The following SLC9A8 variants were observed in gnomAD, a reference collection of about 807,000 sequenced individuals.
SLC9A8 encodes solute carrier family 9 member A8, also known as sodium/hydrogen exchanger 8.
Under a neutral mutation model 66.6 loss-of-function variants are expected in SLC9A8, and 48 were observed. The observed-to-expected ratio is 0.72, with a 90% confidence interval of 0.57 to 0.92. The LOEUF is 0.92. SLC9A8 is among the 40% of genes least tolerant of loss of function. SLC9A8 has a pLI of 0.00. For synonymous variants in SLC9A8, 274 were observed against 282.6 expected, an observed-to-expected ratio of 0.97 and a Z score of 0.31; for missense variants, 599 against 747.3, an observed-to-expected ratio of 0.80 and a Z score of 2.31.
chr20:49,815,284 T>G, intron 2 of SLC9A8, 95 bp downstream of exon 2: 1 of 1,097,402 alleles, frequency 9.1e-7, no homozygotes, highest in Non-Finnish European at 1.2e-6. Flanking sequence ...GACTGTCAAG[T>G]CTTCCTCCCA....
intron 3 of SLC9A8, chr20:49,830,777 G>C: frequency 1.2e-6 from 1 of 848,960 alleles, no homozygotes; most frequent in Non-Finnish European, 2.0e-6. Flanking sequence ...TCATAGCCAT[G>C]ATCACTGAGG....
intron 2 of SLC9A8, among the ~76,000 whole-genome samples, chr20:49,815,763 G>T (rs575492537): frequency 6.6e-6 from 1 of 151,918 alleles, no homozygotes; most frequent in South Asian, 2.1e-4. Context: ...AAAGAATCTT[G>T]AACATCTAGT....
chr20:49,833,690 C>T (rs2087309224), intron 3 of SLC9A8, among the ~76,000 whole-genome samples: 1 of 152,138 alleles, frequency 6.6e-6, no homozygotes, highest in African/African-American at 2.4e-5. Context: ...CTTACTGGCC[C>T]TAAGCTCTCA....
intron 4 of SLC9A8, among the ~76,000 whole-genome samples, chr20:49,842,130 C>T (rs1600700500): frequency 1.3e-5 from 2 of 150,756 alleles, no homozygotes; most frequent in South Asian, 2.1e-4. Flanking sequence ...AGTGCAATGG[C>T]GTGGTCTCAG....
chr20:49,815,309 CA>C, intron 2 of SLC9A8, 120 bp downstream of exon 2: 5 of 751,544 alleles, frequency 6.7e-6, no homozygotes, highest in Non-Finnish European at 1.0e-5. Context: ...GTTTTCATAT[CA>C]AACACTGAGG....
chr20:49,815,655 G>C (rs1326389035), intron 2 of SLC9A8, among the ~76,000 whole-genome samples: 2 of 151,976 alleles, frequency 1.3e-5, no homozygotes, highest in Non-Finnish European at 2.9e-5. Flanking sequence ...TGAGGCACGA[G>C]AATCACTTGA....
intron 14 of SLC9A8, among the ~76,000 whole-genome samples, chr20:49,884,334 A>ACACACC (rs1568884594): frequency 8.0e-6 from 1 of 124,374 alleles, no homozygotes; most frequent in Non-Finnish European, 1.7e-5. Context: ...ACACACACAC[A>ACACACC]CACCCCCCGG....
chr20:49,871,983 C>T (rs1445422623), intron 10 of SLC9A8, among the ~76,000 whole-genome samples: 2 of 152,122 alleles, frequency 1.3e-5, no homozygotes, highest in Non-Finnish European at 2.9e-5. Flanking sequence ...CAGGCTGAGC[C>T]GAGACTGCGC....
At chr20:49,887,740 C>T (rs1211142353) in intron 15 of SLC9A8, 89 bp from the exon 16 acceptor site, 1 of 986,656 alleles carries the variant, frequency 1.0e-6, no homozygotes, top group Non-Finnish European at 1.5e-6. Context: ...CCTCCCTAGA[C>T]ACCCCACACA....
In SLC9A8 at chr20:49,884,032, A is replaced by C; in HGVS notation, c.1457A>C (p.Lys486Thr). Residue 486 changes from lysine to threonine, a missense_variant, in exon 14 of 16, where the codon AAG becomes ACG. Transcript: ENST00000361573. Reference protein sequence around the residue: ...IEDAKAHRRNKKDVNLSKTEK... With the variant: ...IEDAKAHRRNTKDVNLSKTEK... ...GACGCCAAGGCACACCGCAGGAACA[A>C]GAAGGACGTCAACCTCAGCAAGACT... 6.2e-7 allele frequency: 1 copy of C among 1,613,736 alleles called. No individual in the cohort carries two copies. Among genetic ancestry groups the C allele is most frequent in the South Asian group, 1.1e-5 (1 of 91,064 alleles).
intron 9 of SLC9A8, 55 bp from the exon 10 acceptor site, chr20:49,864,684 C>G: frequency 2.4e-6 from 3 of 1,238,732 alleles, no homozygotes; most frequent in South Asian, 1.2e-5. Context: ...TGTGACTTCT[C>G]CACATCTCCC....
rs2090030384 is a variant in SLC9A8 at position 49,891,039 on chromosome 20, G to C, written c.*3103G>C. On this transcript the variant is annotated 3_prime_UTR_variant, in exon 16 of 16. Transcript: ENST00000361573. Reference sequence around the variant, plus strand: ...TTCCCGCAGGGCGCACATGCTTGGAGAGTCCTCAGCAGGGTAGCCGAGGCC... The same window carrying C: ...TTCCCGCAGGGCGCACATGCTTGGACAGTCCTCAGCAGGGTAGCCGAGGCC... 6.6e-6 allele frequency: 1 copy of C among 152,376 alleles called. No individual in the cohort carries two copies. The highest frequency in any genetic ancestry group is 1.5e-5 in the Non-Finnish European group (1 of 68,158). The allele number at this position is 152,376 out of a possible 1,614,324, so 9.4% of individuals were successfully genotyped here. A position where few individuals can be genotyped will look rare whatever the true frequency, so the allele number is the denominator to read the frequency against.
chr20:49,821,269 G>A (rs772944481), intron 2 of SLC9A8, among the ~76,000 whole-genome samples: 1 of 152,124 alleles, frequency 6.6e-6, no homozygotes, highest in Non-Finnish European at 1.5e-5. Context: ...AGCAGAAACT[G>A]GTTCAACTCT....
intron 5 of SLC9A8, among the ~76,000 whole-genome samples, chr20:49,845,523 C>CA (rs2087947042): frequency 6.6e-6 from 1 of 152,198 alleles, no homozygotes; most frequent in African/African-American, 2.4e-5. Flanking sequence ...TCAGCTCCCC[C>CA]ACTGGGGCCT....
intron 14 of SLC9A8, 193 bp downstream of exon 14, chr20:49,884,259 G>GC (rs1555848337): frequency 7.7e-6 from 1 of 129,166 alleles, no homozygotes; most frequent in Non-Finnish European, 1.5e-5. Context: ...ACACACACAC[G>GC]ACACACACAC....
At chr20:49,834,326 A>G (rs952986665) in intron 3 of SLC9A8, among the ~76,000 whole-genome samples, 1 of 96,272 alleles carries the variant, frequency 1.0e-5, no homozygotes, top group Non-Finnish European at 2.2e-5. Context: ...ATATATATAT[A>G]TACTGTGTAT....
At chr20:49,884,342 CG>C (rs2089813327) in intron 14 of SLC9A8, among the ~76,000 whole-genome samples, 1 of 57,356 alleles carries the variant, frequency 1.7e-5, no homozygotes. Flanking sequence ...ACACACCCCC[CG>C]GTCATCCCCC....
At chr20:49,821,440 A>G (rs6067236) in intron 2 of SLC9A8, among the ~76,000 whole-genome samples, 1 of 152,132 alleles carries the variant, frequency 6.6e-6, no homozygotes, top group African/African-American at 2.4e-5. Context: ...ATATTTATAT[A>G]AAAATAACAC....
At chr20:49,884,119 C>G (rs61063341) in intron 14 of SLC9A8, 53 bp downstream of exon 14, 1 of 1,521,022 alleles carries the variant, frequency 6.6e-7, no homozygotes, top group South Asian at 1.1e-5. Flanking sequence ...TGCTACGCAG[C>G]TGGTGGTCCC....
Sources: gnomAD v4.1 joint callset for allele counts (sites outside exome capture counted in the v4.1 genomes callset) on GRCh38, gnomAD v4.1.1 for gene constraint, MANE v1.5 for transcripts, NCBI Gene and HGNC (gene_info 2026-07-23, HGNC 2026-07-21) for gene names.